NALF1: variants seen among roughly 807,000 people sequenced by gnomAD.
The protein encoded by NALF1 is NALCN channel auxiliary factor 1.
A neutral mutation model predicts 48.4 loss-of-function variants in NALF1; 3 were observed. The ratio of observed to expected loss-of-function variants is 0.06; its 90% CI spans 0.03 to 0.16. NALF1 has a LOEUF of 0.16. Among genes scored for constraint, NALF1 ranks in the 10% least tolerant of loss-of-function variants. The probability of loss-of-function intolerance (pLI) is 1.00; values close to 1 mark genes in which losing one functional copy is unlikely to be tolerated. For missense variants in NALF1, 526 were observed against 571.5 expected (o/e 0.92, Z 0.81); for synonymous variants, 262 against 245.7 (o/e 1.07, Z -0.62).
At chr13:107,717,057 A>G (rs1875845349) in intron 1 of NALF1, among the ~76,000 whole-genome samples, 1 of 152,078 alleles carries the variant, frequency 6.6e-6, no homozygotes, top group African/African-American at 2.4e-5. Context: ...AGATATTTCA[A>G]CTGTCCTCAA....
intron 1 of NALF1, among the ~76,000 whole-genome samples, chr13:107,576,268 C>A (rs927436989): frequency 8.5e-5 from 13 of 152,122 alleles, no homozygotes; most frequent in Non-Finnish European, 1.8e-4. Context: ...CATTGAATTG[C>A]TAATTTATAC....
chr13:107,738,465 C>A (rs888394961), intron 1 of NALF1, among the ~76,000 whole-genome samples: 2 of 152,056 alleles, frequency 1.3e-5, no homozygotes, highest in Non-Finnish European at 2.9e-5. Context: ...GTTCCCTTGT[C>A]CCCAGACACT....
chr13:107,383,365 T>G (rs967172539), intron 1 of NALF1, among the ~76,000 whole-genome samples: 3 of 152,194 alleles, frequency 2.0e-5, no homozygotes, highest in Non-Finnish European at 4.4e-5. Flanking sequence ...TATTATGTGA[T>G]TCACCTCATT....
intron 1 of NALF1, among the ~76,000 whole-genome samples, chr13:107,820,694 A>C (rs1262427902): frequency 6.6e-6 from 1 of 152,168 alleles, no homozygotes; most frequent in Non-Finnish European, 1.5e-5. Flanking sequence ...TTTAATGAAA[A>C]ATACATGTTT....
intron 1 of NALF1, among the ~76,000 whole-genome samples, chr13:107,752,608 G>A (rs1876971079): frequency 6.6e-6 from 1 of 152,112 alleles, no homozygotes; most frequent in Non-Finnish European, 1.5e-5. Flanking sequence ...GTTGGGCACA[G>A]AAAGACAAAT....
In NALF1 at chr13:107,402,550, GTC is replaced by G. The variant is rs747263623; in HGVS notation, c.916-191797_916-191796del. ...CACAGCAATAGGTAACCAATACAGT[GTC>G]TTTCATTATTCACTGGTTTTCTTTC... On this transcript the variant is annotated intron_variant, in intron 1 of 2. Coordinates refer to ENST00000375915, the MANE Select transcript of NALF1 (RefSeq NM_001080396.3). Among the ~76,000 whole-genome samples the G allele has an allele frequency of 5.8e-4, 88 of 152,166 alleles. 1 individual carries two copies. The highest frequency in any genetic ancestry group is 2.9e-4 in the Non-Finnish European group (20 of 68,028).
chr13:107,767,268 T>G (rs941403491), intron 1 of NALF1, among the ~76,000 whole-genome samples: 1 of 152,220 alleles, frequency 6.6e-6, no homozygotes. Context: ...TGTGACTGGA[T>G]GCATAATTGG....
intron 1 of NALF1, among the ~76,000 whole-genome samples, chr13:107,550,461 T>C (rs1877260885): frequency 6.6e-6 from 1 of 152,196 alleles, no homozygotes; most frequent in African/African-American, 2.4e-5. Flanking sequence ...GTTAACACTT[T>C]AACACACTGG....
intron 1 of NALF1, among the ~76,000 whole-genome samples, chr13:107,443,437 G>A (rs1324849597): frequency 1.3e-5 from 2 of 151,964 alleles, no homozygotes; most frequent in African/African-American, 2.4e-5. Context: ...GGCTGGTCTC[G>A]AACCCATGAC....
At chr13:107,625,588 C>T (rs1295184247) in intron 1 of NALF1, among the ~76,000 whole-genome samples, 1 of 152,020 alleles carries the variant, frequency 6.6e-6, no homozygotes, top group Non-Finnish European at 1.5e-5. Context: ...GAATTACATG[C>T]TTGAAAAATA....
intron 1 of NALF1, among the ~76,000 whole-genome samples, chr13:107,286,586 CAAA>C (rs1159508752): frequency 2.9e-5 from 3 of 102,098 alleles, no homozygotes; most frequent in African/African-American, 3.8e-5. Flanking sequence ...GACCCTGTCT[CAAA>C]AAAAAAAAAA....
At chr13:107,818,733 G>A (rs989499294) in intron 1 of NALF1, among the ~76,000 whole-genome samples, 44 of 146,856 alleles carry the variant, frequency 3.0e-4, no homozygotes, top group East Asian at 1.4e-3. Context: ...TTAGCCGGGC[G>A]TGGTAGCGGG....
At chr13:107,469,772 C>G (rs184862276) in intron 1 of NALF1, among the ~76,000 whole-genome samples, 2,441 of 108,030 alleles carry the variant, frequency 0.023, 98 homozygotes, top group African/African-American at 0.085. Flanking sequence ...GAGACAGCGT[C>G]TCGCTCTGTT....
chr13:107,164,613 T>G lies in NALF1; in HGVS notation c.*5884A>C, dbSNP rs914172631. ...GTAGAACCACTTCAATTTGTGTAGATGCCTTTAACTTTTGCTTGTCAGTAG... is the reference window on the plus strand; with the variant it reads ...GTAGAACCACTTCAATTTGTGTAGAGGCCTTTAACTTTTGCTTGTCAGTAG... On this transcript the variant is annotated 3_prime_UTR_variant, in exon 3 of 3. Coordinates refer to ENST00000375915, the MANE Select transcript of NALF1 (RefSeq NM_001080396.3). 6.6e-6 allele frequency: 1 copy of G among 152,090 alleles called. No individual in the cohort carries two copies. Among genetic ancestry groups the G allele is most frequent in the Non-Finnish European group, 1.5e-5 (1 of 68,034 alleles). The allele number at this position is 152,090 out of a possible 1,614,324, so 9.4% of individuals were successfully genotyped here. A position where few individuals can be genotyped will look rare whatever the true frequency, so the allele number is the denominator to read the frequency against.
In NALF1 at chr13:107,814,699, T is replaced by C. The variant is rs904946501; in HGVS notation, c.915+50983A>G. 6.6e-5 allele frequency among the ~76,000 whole-genome samples: 10 copies of C among 151,916 alleles called. No individual in the cohort carries two copies. In the East Asian group the frequency reaches 9.7e-4, roughly 15 times the overall value. ...ATACATGAATCGAAAACGGAAAGAA[T>C]TGAAAAAAGGAAAAGATAATTCAAA... On this transcript the variant is annotated intron_variant, in intron 1 of 2. Coordinates refer to ENST00000375915, the MANE Select transcript of NALF1 (RefSeq NM_001080396.3).
intron 1 of NALF1, among the ~76,000 whole-genome samples, chr13:107,731,761 C>T (rs915541300): frequency 6.6e-6 from 1 of 152,148 alleles, no homozygotes; most frequent in African/African-American, 2.4e-5. Context: ...GCGTAGTATT[C>T]CATGGTGTAT....
intron 1 of NALF1, among the ~76,000 whole-genome samples, chr13:107,542,753 T>C (rs528506010): frequency 3.9e-5 from 6 of 152,294 alleles, no homozygotes; most frequent in Admixed American, 2.0e-4. Flanking sequence ...TAATTCCATA[T>C]GGCTACTCAG....
At chr13:107,504,465 T>G (rs55944547) in intron 1 of NALF1, among the ~76,000 whole-genome samples, 1 of 152,124 alleles carries the variant, frequency 6.6e-6, no homozygotes, top group Non-Finnish European at 1.5e-5. Context: ...ACGATAGATA[T>G]GTTAATCTGA....
intron 1 of NALF1, among the ~76,000 whole-genome samples, chr13:107,528,779 T>G (rs1474190743): frequency 1.3e-5 from 2 of 152,160 alleles, no homozygotes; most frequent in Non-Finnish European, 2.9e-5. Context: ...TTGAAAAGAT[T>G]GCTTGTCATC....
Sources: gnomAD v4.1 joint callset for allele counts (sites outside exome capture counted in the v4.1 genomes callset) on GRCh38, gnomAD v4.1.1 for gene constraint, MANE v1.5 for transcripts, NCBI Gene and HGNC (gene_info 2026-07-23, HGNC 2026-07-21) for gene names.